The following ZNF451 variants were observed in gnomAD, a reference collection of about 807,000 sequenced individuals.
ZNF451 encodes the protein zinc finger protein 451, also known as E3 SUMO-protein ligase ZNF451.
Under a neutral mutation model 107.1 loss-of-function variants are expected in ZNF451, and 80 were observed. The observed-to-expected ratio is 0.75, with a 90% confidence interval of 0.62 to 0.90. ZNF451 has a LOEUF of 0.90. Among genes scored for constraint, ZNF451 ranks in the 40% least tolerant of loss-of-function variants. The pLI, the probability that ZNF451 is intolerant of heterozygous loss-of-function variation, is 0.00. For synonymous variants in ZNF451, 362 were observed against 406.5 expected (o/e 0.89, Z 1.32); for missense variants, 1,107 against 1,236.2 (o/e 0.90, Z 1.57).
chr6:57,114,517 T>G (rs1830270782), intron 3 of ZNF451, among the ~76,000 whole-genome samples: 1 of 152,230 alleles, frequency 6.6e-6, no homozygotes, highest in Non-Finnish European at 1.5e-5. Flanking sequence ...AAAGTGACTT[T>G]CCTTAATTCT....
rs143411815 is a variant in ZNF451, at chr6:57,106,151, C to T, written c.186+7010C>T. 8 of 985,284 alleles carry T rather than the reference C, an allele frequency of 8.1e-6. No homozygotes were observed. The South Asian group carries it at 1.4e-4, about 17-fold the overall frequency. The allele number at this position is 985,284 out of a possible 1,614,324, so 61.0% of individuals were successfully genotyped here. On this transcript the variant is annotated intron_variant, in intron 3 of 14. Transcript: ENST00000370706. ...CAAGGAGGTTGAAAAAGACACATTC[C>T]GGAATCCCTTTGTCTGGTAAAATTG...
At chr6:57,111,650 G>T (rs1433935649) in intron 3 of ZNF451, among the ~76,000 whole-genome samples, 1 of 152,050 alleles carries the variant, frequency 6.6e-6, no homozygotes, top group Non-Finnish European at 1.5e-5. Flanking sequence ...CAAAGTGCTG[G>T]GATTGTGGTT....
rs200164955 is a variant in ZNF451, at chr6:57,124,890, A to G, written c.312+31A>G. 1.1e-5 allele frequency: 14 copies of G among 1,317,298 alleles called. No individual in the cohort carries two copies. The East Asian group carries it at 4.0e-4, about 38-fold the overall frequency. 81.6% of individuals were successfully genotyped at this position (1,317,298 alleles called of 1,614,324 possible). A position where few individuals can be genotyped will look rare whatever the true frequency, so the allele number is the denominator to read the frequency against. On this transcript the variant is annotated intron_variant, in intron 4 of 14. Coordinates refer to ENST00000370706, the MANE Select transcript of ZNF451 (RefSeq NM_001031623.3). ...TGCTATTTTAATTGGTATTTTATAT[A>G]ATTAAAAAATTATTTATAATAAAGT...
intron 3 of ZNF451, chr6:57,107,021 A>T (rs979743705): frequency 1.1e-6 from 1 of 947,050 alleles, no homozygotes; most frequent in African/African-American, 1.8e-5. Flanking sequence ...AATATTTTTT[A>T]CTTCTTTGTC....
At chr6:57,105,697 T>C in intron 3 of ZNF451, 3 of 985,396 alleles carry the variant, frequency 3.0e-6, no homozygotes, top group Non-Finnish European at 3.6e-6. Context: ...ATAGATATGC[T>C]CTAGGTTTTC....
At chr6:57,133,004 G>C in intron 5 of ZNF451, 38 bp from the exon 6 acceptor site, 1 of 1,610,272 alleles carries the variant, frequency 6.2e-7, no homozygotes, top group Non-Finnish European at 8.5e-7. Context: ...ATAAGTATCT[G>C]AAATAATAAC....
intron 3 of ZNF451, among the ~76,000 whole-genome samples, chr6:57,110,377 G>A (rs1830055538): frequency 6.6e-6 from 1 of 152,160 alleles, no homozygotes; most frequent in Non-Finnish European, 1.5e-5. Context: ...GGGTTGGTTT[G>A]TACCATAGTC....
At chr6:57,097,210 A>T (rs1829370307) in intron 2 of ZNF451, among the ~76,000 whole-genome samples, 1 of 152,188 alleles carries the variant, frequency 6.6e-6, no homozygotes, top group Admixed American at 6.5e-5. Flanking sequence ...TTCCTTTGCT[A>T]CAGATCCCTG....
At chr6:57,143,776 T>C (rs754450154) in intron 9 of ZNF451, among the ~76,000 whole-genome samples, 7 of 152,152 alleles carry the variant, frequency 4.6e-5, no homozygotes, top group Admixed American at 6.6e-5. Flanking sequence ...TTATTCATAA[T>C]AGTAAAAAAA....
At chr6:57,141,270 T>A (rs1831743832) in intron 7 of ZNF451, 32 bp from the exon 8 acceptor site, 13 of 1,508,356 alleles carry the variant, frequency 8.6e-6, no homozygotes, top group Non-Finnish European at 9.8e-6. Context: ...TTATTTTAGT[T>A]TTCCATAATA....
intron 14 of ZNF451, chr6:57,165,552 T>G (rs1329347943): frequency 6.6e-6 from 1 of 152,232 alleles, no homozygotes; most frequent in East Asian, 1.9e-4. Context: ...TCAAATTCAT[T>G]AAGCCCCTCT....
At chr6:57,104,862 G>A (rs190570385) in intron 3 of ZNF451, 1 of 985,382 alleles carries the variant, frequency 1.0e-6, no homozygotes. Flanking sequence ...AAGGTATTGG[G>A]AAATTATCAA....
At chr6:57,097,786 C>T (rs989238029) in intron 2 of ZNF451, among the ~76,000 whole-genome samples, 16 of 152,072 alleles carry the variant, frequency 1.1e-4, no homozygotes, top group African/African-American at 3.9e-4. Flanking sequence ...CTGCTAGATA[C>T]ACCCTGTGTA....
intron 3 of ZNF451, chr6:57,104,464 T>A: frequency 2.0e-6 from 2 of 985,432 alleles, no homozygotes; most frequent in Non-Finnish European, 2.4e-6. Context: ...TGTCATAAAC[T>A]TGGTGGTTTT....
At chr6:57,144,386 G>A (rs1048673455) in intron 9 of ZNF451, among the ~76,000 whole-genome samples, 2 of 151,512 alleles carry the variant, frequency 1.3e-5, no homozygotes, top group Non-Finnish European at 2.9e-5. Context: ...GACTATAGGT[G>A]TGTGCCACCA....
At chr6:57,162,059 T>C (rs373915636) in intron 14 of ZNF451, among the ~76,000 whole-genome samples, 29 of 152,326 alleles carry the variant, frequency 1.9e-4, no homozygotes, top group African/African-American at 6.7e-4. Flanking sequence ...AATGAGATAA[T>C]GAATCTTAGA....
rs1185366526 is a variant in ZNF451, at chr6:57,138,741, A to ATGTGTG, written c.703-2531_703-2526dup. Among the ~76,000 whole-genome samples, 34 of 46,588 alleles carry ATGTGTG rather than the reference A, an allele frequency of 7.3e-4. 1 individual carries two copies. Among genetic ancestry groups the ATGTGTG allele is most frequent in the Admixed American group, 1.2e-3 (3 of 2,576 alleles). 30.6% of individuals were successfully genotyped at this position (46,588 alleles called of 152,430 possible). Reference sequence around the variant, plus strand: ...TATATATATATATATATATATATATATGTGTGTGTGTGTGTGTGTGTGTGT... The same window carrying ATGTGTG: ...TATATATATATATATATATATATATATGTGTGTGTGTGTGTGTGTGTGTGTGTGTGT... On this transcript the variant is annotated intron_variant, in intron 7 of 14. Transcript: ENST00000370706.
rs143505071 is a variant in ZNF451 at position 57,141,769 on chromosome 6, T to C, written c.857-179T>C. Among the ~76,000 whole-genome samples, 4 of 152,320 alleles carry C rather than the reference T, an allele frequency of 2.6e-5. No individual in the cohort carries two copies. The East Asian group carries it at 7.7e-4, about 29-fold the overall frequency. On this transcript the variant is annotated intron_variant, in intron 8 of 14. Transcript: ENST00000370706. ...TTTAAGACTCAAATTTTAATTTGAG[T>C]ATAAGTAAGGCATTCTTTGTATTTA... is the stretch of plus-strand genomic sequence containing the variant.
intron 3 of ZNF451, chr6:57,107,063 A>C: frequency 2.0e-6 from 2 of 982,458 alleles, no homozygotes; most frequent in Non-Finnish European, 2.4e-6. Flanking sequence ...TTATAATGAA[A>C]ACTTTACTAG....
Sources: allele counts gnomAD v4.1 joint callset (sites outside exome capture counted in the v4.1 genomes callset), GRCh38; gene constraint gnomAD v4.1.1; transcripts MANE v1.5; gene names NCBI Gene and HGNC (gene_info 2026-07-23, HGNC 2026-07-21).